Variants in UNC5B observed in about 807,000 individuals in gnomAD.
UNC5B encodes unc-5 netrin receptor B, also known as netrin receptor UNC5B.
In UNC5B, 56 loss-of-function variants were observed where a neutral mutation model predicts 103.7. The observed-to-expected ratio is 0.54, with a 90% CI of 0.44 to 0.67. The LOEUF (loss-of-function observed/expected upper bound fraction) is 0.67. Ranked by LOEUF, UNC5B falls within the 30% of genes least tolerant of loss-of-function variation. The pLI, the probability that UNC5B is intolerant of heterozygous loss-of-function variation, is 0.00. For synonymous variants in UNC5B, 577 were observed against 542.0 expected (o/e 1.06, Z -0.90); for missense variants, 1,194 against 1,284.5 (o/e 0.93, Z 1.08).
rs144371231 is a variant in UNC5B at position 71,213,728 on chromosome 10, A to AGAGAGTGTGTGTGTGTGTGTGTGT, written c.79+665_79+666insAGAGTGTGTGTGTGTGTGTGTGTG. On this transcript the variant is annotated intron_variant, in intron 1 of 16. Coordinates refer to ENST00000335350, the MANE Select transcript of UNC5B (RefSeq NM_170744.5). This position sits in a 1 kb window ranked among gnomAD's most constrained non-coding sequence, Gnocchi z 4.1. ...ATTATTAATTTTCTGAGTGTTGGAG[A>AGAGAGTGTGTGTGTGTGTGTGTGT]GTGTGTGTGTGTGTGTGTGTGTGTG... Among the ~76,000 whole-genome samples the AGAGAGTGTGTGTGTGTGTGTGTGT allele has an allele frequency of 3.0e-5, 4 of 131,472 alleles. No individual in the cohort carries two copies. Among genetic ancestry groups the AGAGAGTGTGTGTGTGTGTGTGTGT allele is most frequent in the African/African-American group, 1.2e-4 (4 of 34,258 alleles). 86.3% of individuals were successfully genotyped at this position (131,472 alleles called of 152,430 possible). A position where few individuals can be genotyped will look rare whatever the true frequency, so the allele number is the denominator to read the frequency against.
At chr10:71,250,306 C>T (rs570165339) in intron 1 of UNC5B, among the ~76,000 whole-genome samples, 43 of 152,354 alleles carry the variant, frequency 2.8e-4, no homozygotes, top group African/African-American at 7.7e-4. Context: ...TACTTCCTAC[C>T]GGGTTGCATG....
At chr10:71,233,807 C>G (rs1843726098) in intron 1 of UNC5B, among the ~76,000 whole-genome samples, 1 of 152,208 alleles carries the variant, frequency 6.6e-6, no homozygotes, top group African/African-American at 2.4e-5. Flanking sequence ...TTGTCAGGAC[C>G]CTTGCTGGCA....
At chr10:71,236,658 C>T (rs554567185) in intron 1 of UNC5B, among the ~76,000 whole-genome samples, 85 of 152,334 alleles carry the variant, frequency 5.6e-4, no homozygotes, top group African/African-American at 1.9e-3. Context: ...CTGGGCTTCC[C>T]TGCCCGAGCC....
chr10:71,217,941 C>G (rs1211206104), intron 1 of UNC5B: 3 of 152,324 alleles, frequency 2.0e-5, no homozygotes, highest in African/African-American at 7.2e-5. Context: ...GTGCACGGAG[C>G]CGCCCTCCTT....
intron 2 of UNC5B, among the ~76,000 whole-genome samples, chr10:71,284,515 G>A (rs1313698344): frequency 1.3e-5 from 2 of 152,220 alleles, no homozygotes; most frequent in African/African-American, 4.8e-5. Flanking sequence ...CATTGGTGGG[G>A]CAGAGGGCTT....
intron 1 of UNC5B, among the ~76,000 whole-genome samples, chr10:71,235,639 G>A (rs1416759350): frequency 2.0e-5 from 3 of 152,188 alleles, no homozygotes; most frequent in Non-Finnish European, 4.4e-5. Flanking sequence ...TTAGGGACTG[G>A]TAGGGGGGTC....
intron 7 of UNC5B, 36 bp downstream of exon 7, chr10:71,288,768 G>T: frequency 1.9e-6 from 3 of 1,572,934 alleles, no homozygotes; most frequent in Admixed American, 3.6e-5. Flanking sequence ...TGGGGGTGGG[G>T]ACTCTGGAGC....
intron 1 of UNC5B, among the ~76,000 whole-genome samples, chr10:71,254,393 G>A (rs562753577): frequency 6.6e-6 from 1 of 152,346 alleles, no homozygotes; most frequent in East Asian, 1.9e-4. Flanking sequence ...CTGGCGTCCT[G>A]CTGTCGTGGG....
chr10:71,297,297 C>T (rs1355407806), intron 15 of UNC5B, among the ~76,000 whole-genome samples: 1 of 152,248 alleles, frequency 6.6e-6, no homozygotes, highest in East Asian at 1.9e-4. Context: ...TGACAGATAT[C>T]ATCCCCACCT....
chr10:71,263,519 C>T (rs1443489292), intron 1 of UNC5B, among the ~76,000 whole-genome samples: 2 of 152,210 alleles, frequency 1.3e-5, no homozygotes, highest in Non-Finnish European at 2.9e-5. Context: ...GAAGCAGACA[C>T]AAAGAGAATT....
chr10:71,240,714 C>T (rs1843879905), intron 1 of UNC5B, among the ~76,000 whole-genome samples: 1 of 152,228 alleles, frequency 6.6e-6, no homozygotes, highest in Admixed American at 6.5e-5. Flanking sequence ...TTCTAAAAGA[C>T]CTGAGGGGAG....
chr10:71,215,677 C>T (rs12264668), intron 1 of UNC5B, among the ~76,000 whole-genome samples: 22,585 of 152,190 alleles, frequency 0.15, 1,827 homozygotes, highest in African/African-American at 0.21. Flanking sequence ...ACCTTTCAGC[C>T]CTTCCTGGAG....
chr10:71,286,709 G>C lies in UNC5B; in HGVS notation c.573G>C (p.Glu191Asp). The C allele has an allele frequency of 6.2e-7, 1 of 1,614,168 alleles. No individual in the cohort carries two copies. Among genetic ancestry groups the C allele is most frequent in the Non-Finnish European group, 8.5e-7 (1 of 1,180,022 alleles). ...TGCAGGTGGAATGGCTCAAGAATGA[G>C]GATGTCATCGACCCCACCCAGGACA... ...PVAEVEWLKNEDVIDPTQDTN... is the reference protein window; with the variant it reads ...PVAEVEWLKNDDVIDPTQDTN... Residue 191 changes from glutamate to aspartate, a missense_variant, in exon 5 of 17, where the codon GAG (glutamate) becomes GAC (aspartate). Glu to Asp is a conservative substitution (Grantham distance 45). Transcript: ENST00000335350.
chr10:71,262,645 A>G (rs1213603994), intron 1 of UNC5B, among the ~76,000 whole-genome samples: 1 of 152,216 alleles, frequency 6.6e-6, no homozygotes, highest in African/African-American at 2.4e-5. Context: ...TCAAGGAGAA[A>G]GCACATTAAA....
chr10:71,260,932 G>A (rs978187849), intron 1 of UNC5B, among the ~76,000 whole-genome samples: 20 of 152,192 alleles, frequency 1.3e-4, no homozygotes, highest in Non-Finnish European at 2.5e-4. Context: ...GGACACCTCC[G>A]CTGCTGAGCA....
At chr10:71,244,187 G>A (rs939836919) in intron 1 of UNC5B, among the ~76,000 whole-genome samples, 11 of 152,210 alleles carry the variant, frequency 7.2e-5, no homozygotes, top group African/African-American at 1.2e-4. Flanking sequence ...TGCACAACAC[G>A]CCCACAACAG....
chr10:71,222,529 C>CT (rs1218301261), intron 1 of UNC5B, among the ~76,000 whole-genome samples: 1 of 152,102 alleles, frequency 6.6e-6, no homozygotes, highest in Non-Finnish European at 1.5e-5. Flanking sequence ...CCTCCACCCC[C>CT]CGATTTGGCT....
At chr10:71,261,404 C>G (rs778330195) in intron 1 of UNC5B, among the ~76,000 whole-genome samples, 6 of 152,174 alleles carry the variant, frequency 3.9e-5, no homozygotes, top group Admixed American at 2.6e-4. Flanking sequence ...TAGATTGACT[C>G]TATAGCCCTT....
chr10:71,244,403 C>A (rs527592084), intron 1 of UNC5B, among the ~76,000 whole-genome samples: 4 of 152,208 alleles, frequency 2.6e-5, no homozygotes, highest in Non-Finnish European at 5.9e-5. Flanking sequence ...TGACACCTAG[C>A]CCCTGGGACG....
Sources: allele counts gnomAD v4.1 joint callset (sites outside exome capture counted in the v4.1 genomes callset), GRCh38; gene constraint gnomAD v4.1.1; non-coding constraint Gnocchi (gnomAD v3.1); transcripts MANE v1.5; gene names NCBI Gene and HGNC (gene_info 2026-07-23, HGNC 2026-07-21).